NBEA: variants seen among roughly 807,000 people sequenced by gnomAD.
NBEA encodes the protein neurobeachin.
NBEA carries 44 observed loss-of-function variants against 343.4 expected under a neutral mutation model. The observed-to-expected ratio is 0.13, with a 90% CI of 0.10 to 0.16. NBEA has a LOEUF of 0.16. Ranked by LOEUF, NBEA falls within the 10% of genes least tolerant of loss-of-function variation. The pLI, the probability that NBEA is intolerant of heterozygous loss-of-function variation, is 1.00. For missense variants in NBEA, 2,555 were observed against 3,631.3 expected, an observed-to-expected ratio of 0.70 and a Z score of 7.62; for synonymous variants, 1,175 against 1,238.7, an observed-to-expected ratio of 0.95 and a Z score of 1.08.
At chr13:35,275,268 A>C (rs186713551) in intron 34 of NBEA, among the ~76,000 whole-genome samples, 14 of 152,326 alleles carry the variant, frequency 9.2e-5, no homozygotes, top group Non-Finnish European at 1.9e-4. Flanking sequence ...AGGATTCCCT[A>C]TTTAATAAAT....
At chr13:35,338,447 G>A (rs1401959880) in intron 36 of NBEA, among the ~76,000 whole-genome samples, 4 of 151,992 alleles carry the variant, frequency 2.6e-5, no homozygotes, top group Non-Finnish European at 5.9e-5. Context: ...GTAACAGTAA[G>A]GAGTTTGAGT....
intron 38 of NBEA, among the ~76,000 whole-genome samples, chr13:35,423,643 G>A (rs2044449204): frequency 6.6e-6 from 1 of 151,962 alleles, no homozygotes; most frequent in African/African-American, 2.4e-5. Flanking sequence ...GCTCTTTTTT[G>A]GTTCCATATG....
chr13:35,555,451 A>G (rs2079533291), intron 44 of NBEA, among the ~76,000 whole-genome samples: 1 of 152,152 alleles, frequency 6.6e-6, no homozygotes, highest in Admixed American at 6.5e-5. Context: ...GCTAGACAGG[A>G]GAATAACAAC....
chr13:34,963,503 G>T (rs970028176), intron 1 of NBEA, among the ~76,000 whole-genome samples: 2 of 152,042 alleles, frequency 1.3e-5, no homozygotes, highest in Non-Finnish European at 2.9e-5. Flanking sequence ...ATGAATTTTT[G>T]GGGGGATACA....
At chr13:35,110,049 TTTA>T (rs1448910891) in intron 12 of NBEA, among the ~76,000 whole-genome samples, 107 of 125,280 alleles carry the variant, frequency 8.5e-4, no homozygotes, top group Middle Eastern at 4.0e-3. Flanking sequence ...TTTTTTTTTT[TTTA>T]AATGTTTTTT....
intron 36 of NBEA, among the ~76,000 whole-genome samples, chr13:35,322,603 G>A (rs926020948): frequency 6.6e-6 from 1 of 152,058 alleles, no homozygotes; most frequent in Admixed American, 6.5e-5. Flanking sequence ...CTCCTTTTTT[G>A]CCACTCTTTT....
chr13:35,162,605 TCTC>T (rs992326427), intron 23 of NBEA, among the ~76,000 whole-genome samples: 6 of 151,944 alleles, frequency 3.9e-5, no homozygotes, highest in African/African-American at 1.4e-4. Context: ...CTCTTTTTCT[TCTC>T]CTCTTTTCTT....
At position 35,482,634 on chromosome 13, in the gene NBEA, A is replaced by G. The variant is rs184804287; in HGVS notation, c.6585+10098A>G. Among the ~76,000 whole-genome samples, 168 of 151,848 alleles carry G rather than the reference A, an allele frequency of 1.1e-3. 1 individual carries two copies. Among genetic ancestry groups the G allele is most frequent in the African/African-American group, 3.7e-3 (153 of 41,536 alleles). ...AGTGGTGTTCCTGATTAAAAAAAAA[A>G]AAGTGGGAACCTAGTGAAATAAAAT... On this transcript the variant is annotated intron_variant, in intron 41 of 58. Transcript: ENST00000379939.
At chr13:35,283,823 A>G (rs2035224865) in intron 34 of NBEA, among the ~76,000 whole-genome samples, 1 of 152,198 alleles carries the variant, frequency 6.6e-6, no homozygotes, top group Non-Finnish European at 1.5e-5. Flanking sequence ...TTCAGTTTTC[A>G]GAGCTTTTTG....
chr13:35,107,855 G>C (rs183097603), intron 11 of NBEA, among the ~76,000 whole-genome samples: 3 of 152,154 alleles, frequency 2.0e-5, no homozygotes, highest in Non-Finnish European at 4.4e-5. Context: ...CGTGTCCTGT[G>C]GGTGAAATTG....
chr13:35,336,661 G>A (rs1363140892), intron 36 of NBEA, among the ~76,000 whole-genome samples: 4 of 151,776 alleles, frequency 2.6e-5, no homozygotes, highest in Non-Finnish European at 4.4e-5. Context: ...AAGAAAATAC[G>A]GTACATATAC....
chr13:35,669,989 AG>A (rs927921209), intron 58 of NBEA, among the ~76,000 whole-genome samples: 85 of 152,038 alleles, frequency 5.6e-4, no homozygotes, highest in African/African-American at 1.6e-3. Flanking sequence ...GTCTCAATGG[AG>A]GGGGGAAAGA....
At chr13:35,089,753 C>G (rs1433686591) in intron 10 of NBEA, among the ~76,000 whole-genome samples, 2 of 148,150 alleles carry the variant, frequency 1.3e-5, no homozygotes, top group African/African-American at 5.0e-5. Context: ...AGTTCATGTC[C>G]TTTGTAGGGA....
rs546244757 is a variant in NBEA at position 35,402,827 on chromosome 13, G to A, written c.6180-29442G>A. 3.3e-5 allele frequency among the ~76,000 whole-genome samples: 5 copies of A among 152,150 alleles called. No homozygotes were observed. In the South Asian group the frequency reaches 6.2e-4, roughly 19 times the overall value. ...TTGCATAGCCTAAAGCAGACTTCAC[G>A]AAGGCAGACTAAATTGTCACCATGT... is the stretch of plus-strand genomic sequence containing the variant. On this transcript the variant is annotated intron_variant, in intron 38 of 58. Coordinates refer to ENST00000379939, the MANE Select transcript of NBEA (RefSeq NM_001385012.1).
chr13:35,138,756 G>A (rs1301981114), intron 17 of NBEA, among the ~76,000 whole-genome samples: 2 of 151,706 alleles, frequency 1.3e-5, no homozygotes, highest in Admixed American at 6.6e-5. Flanking sequence ...CACTGCGCTC[G>A]GCCAATTATG....
chr13:35,551,391 TTATAAATGCCATA>T (rs2079316945), intron 43 of NBEA, among the ~76,000 whole-genome samples: 1 of 152,286 alleles, frequency 6.6e-6, no homozygotes, highest in African/African-American at 2.4e-5. Flanking sequence ...AATAATGTTT[TTATAAATGCCATA>T]TATAAATGCT....
intron 41 of NBEA, among the ~76,000 whole-genome samples, 153 bp from the exon 42 acceptor site, chr13:35,550,324 A>T (rs2079256838): frequency 6.6e-6 from 1 of 152,190 alleles, no homozygotes; most frequent in Non-Finnish European, 1.5e-5. Flanking sequence ...GAAAGGCAGA[A>T]ATTTTGCAAA....
At chr13:34,962,888 CA>C (rs1417311687) in intron 1 of NBEA, among the ~76,000 whole-genome samples, 1 of 152,008 alleles carries the variant, frequency 6.6e-6, no homozygotes, top group Non-Finnish European at 1.5e-5. Flanking sequence ...TATTAACTGT[CA>C]GGGGCACCAT....
chr13:35,390,362 G>T (rs187649843), intron 38 of NBEA, among the ~76,000 whole-genome samples: 31 of 152,176 alleles, frequency 2.0e-4, no homozygotes, highest in African/African-American at 5.5e-4. Context: ...TAATCCATTT[G>T]GAACCAGACA....
Sources: gnomAD v4.1 joint callset for allele counts (sites outside exome capture counted in the v4.1 genomes callset) on GRCh38, gnomAD v4.1.1 for gene constraint, MANE v1.5 for transcripts, NCBI Gene and HGNC (gene_info 2026-07-23, HGNC 2026-07-21) for gene names.